DNMBP: variants seen among roughly 807,000 people sequenced by gnomAD.
DNMBP encodes the protein dynamin-binding protein.
A neutral mutation model predicts 150.0 loss-of-function variants in DNMBP; 87 were observed. That is an observed-to-expected ratio of 0.58 (90% CI 0.49 to 0.69). DNMBP has a LOEUF of 0.69. Among genes scored for constraint, DNMBP ranks in the 30% least tolerant of loss-of-function variants. The pLI is 0.00. For synonymous variants in DNMBP, 711 were observed against 750.4 expected, an observed-to-expected ratio of 0.95 and a Z score of 0.86; for missense variants, 1,774 against 1,949.0, an observed-to-expected ratio of 0.91 and a Z score of 1.69.
At chr10:99,954,124 C>T (rs930222140) in intron 4 of DNMBP, among the ~76,000 whole-genome samples, 4 of 151,990 alleles carry the variant, frequency 2.6e-5, no homozygotes, top group Non-Finnish European at 5.9e-5. Flanking sequence ...CCTCTGCCTC[C>T]CAGGTTCAAG....
At chr10:99,982,439 G>A (rs535762894) in intron 1 of DNMBP, among the ~76,000 whole-genome samples, 1 of 151,846 alleles carries the variant, frequency 6.6e-6, no homozygotes, top group Admixed American at 6.6e-5. Context: ...GCGAGACCCT[G>A]TCTCAAAAAA....
chr10:99,913,973 T>A (rs772329915), intron 4 of DNMBP: 3 of 1,459,160 alleles, frequency 2.1e-6, no homozygotes, highest in South Asian at 1.4e-5. Flanking sequence ...CAGAGCTGGC[T>A]GTGTGTGGAG....
chr10:99,996,614 A>G, intron 1 of DNMBP, among the ~76,000 whole-genome samples: 1 of 152,360 alleles, frequency 6.6e-6, no homozygotes, highest in East Asian at 1.9e-4. Context: ...ACCAGCTAGT[A>G]AAATAATAAT....
intron 1 of DNMBP, among the ~76,000 whole-genome samples, chr10:99,976,581 T>C (rs2040730024): frequency 6.6e-6 from 1 of 152,216 alleles, no homozygotes; most frequent in South Asian, 2.1e-4. Context: ...GTAAAGTTCC[T>C]AGATAAATAA....
intron 4 of DNMBP, among the ~76,000 whole-genome samples, chr10:99,916,897 G>A (rs2039970489): frequency 6.6e-6 from 1 of 152,208 alleles, no homozygotes. Flanking sequence ...AGCTACTCAG[G>A]AGGCTGAGGC....
chr10:99,949,062 G>A (rs767406341), intron 4 of DNMBP, among the ~76,000 whole-genome samples: 12 of 152,068 alleles, frequency 7.9e-5, no homozygotes, highest in Non-Finnish European at 1.8e-4. Flanking sequence ...CTCACTGTGG[G>A]TCTGGCACAG....
chr10:99,951,807 G>GTTA (rs1245812898), intron 4 of DNMBP, among the ~76,000 whole-genome samples: 64 of 152,340 alleles, frequency 4.2e-4, no homozygotes, highest in African/African-American at 1.3e-3. Flanking sequence ...TCTCAGATGA[G>GTTA]ACGTCGAACT....
chr10:99,895,697 C>T (rs2039642534), intron 10 of DNMBP, among the ~76,000 whole-genome samples: 1 of 152,172 alleles, frequency 6.6e-6, no homozygotes, highest in African/African-American at 2.4e-5. Flanking sequence ...GCATGCCTGC[C>T]CCCTTCCTAT....
chr10:100,000,829 T>C (rs1234019795), intron 1 of DNMBP, among the ~76,000 whole-genome samples: 1 of 144,736 alleles, frequency 6.9e-6, no homozygotes, highest in Non-Finnish European at 1.5e-5. Flanking sequence ...AGGCAGACCA[T>C]TGTGTTTTAG....
chr10:99,916,951 A>G (rs899926495), intron 4 of DNMBP, among the ~76,000 whole-genome samples: 2 of 152,052 alleles, frequency 1.3e-5, no homozygotes, highest in African/African-American at 4.8e-5. Context: ...GCAGTGAGCG[A>G]GATCACGCCA....
chr10:99,914,090 C>T (rs1044690882), intron 4 of DNMBP: 3 of 1,395,426 alleles, frequency 2.1e-6, no homozygotes, highest in Non-Finnish European at 2.8e-6. Context: ...CCCCAGGCTT[C>T]CCACATTTAC....
At chr10:99,933,059 C>T (rs2040178918) in intron 4 of DNMBP, among the ~76,000 whole-genome samples, 1 of 149,498 alleles carries the variant, frequency 6.7e-6, no homozygotes, top group Admixed American at 6.7e-5. Context: ...GTTTAGGAGG[C>T]CTAGGTGGGA....
rs1324453044 is a variant in DNMBP at position 99,969,226 on chromosome 10, T to C, written c.157A>G (p.Ser53Gly). 6.2e-7 allele frequency: 1 copy of C among 1,614,062 alleles called. No individual in the cohort carries two copies. Among genetic ancestry groups the C allele is most frequent in the Non-Finnish European group, 8.5e-7 (1 of 1,179,946 alleles). Residue 53 changes from serine (S) to glycine (G), a missense_variant, in exon 3 of 17, where the codon AGC (serine) becomes GGC (glycine). Coordinates refer to ENST00000324109, the MANE Select transcript of DNMBP (RefSeq NM_015221.4). ...KKEDVTGQFPSSFVEIVTIPS... is the reference protein window; with the variant it reads ...KKEDVTGQFPGSFVEIVTIPS... The stretch of plus-strand genomic sequence containing the variant: ...ATGGTCACAATTTCCACAAAACTGC[T>C]GGGGAATTGTCCTGAAAATAAAAGC...
Position 99,877,101 on chromosome 10 carries a change from C to CAA in DNMBP, c.*49_*50insTT. On this transcript the variant is annotated 3_prime_UTR_variant, in exon 17 of 17. Coordinates refer to ENST00000324109, the MANE Select transcript of DNMBP (RefSeq NM_015221.4). ...CCTCTCGGTGGGCCGCCAGAACCCT[C>CAA]GGCGGACTGAAAGCAAAGGCAGCAA... The CAA allele has an allele frequency of 7.2e-7, 1 of 1,397,896 alleles. No individual in the cohort carries two copies. Among genetic ancestry groups the CAA allele is most frequent in the African/African-American group, 1.7e-5 (1 of 58,592 alleles). 86.6% of individuals were successfully genotyped at this position (1,397,896 alleles called of 1,614,324 possible). A position where few individuals can be genotyped will look rare whatever the true frequency, so the allele number is the denominator to read the frequency against.
rs557484543 is a variant in DNMBP, at chr10:99,910,517, T to A, written c.2261-1371A>T. On this transcript the variant is annotated intron_variant, in intron 4 of 16. Transcript: ENST00000324109. ...ATAGTGCCATTATTGCACTCCAGAC[T>A]GGGTGACAGAGAAAGACCCTGTCTC... 5.9e-5 allele frequency among the ~76,000 whole-genome samples: 9 copies of A among 152,322 alleles called. No individual in the cohort carries two copies. The East Asian group carries it at 1.5e-3, about 26-fold the overall frequency.
chr10:99,968,881 C>T (rs2040646914), intron 3 of DNMBP, among the ~76,000 whole-genome samples: 1 of 152,092 alleles, frequency 6.6e-6, no homozygotes, highest in Admixed American at 6.6e-5. Context: ...CCCCACTTTC[C>T]TACCTCCCAG....
At chr10:99,966,226 T>C (rs147002472) in intron 3 of DNMBP, among the ~76,000 whole-genome samples, 2 of 152,174 alleles carry the variant, frequency 1.3e-5, no homozygotes, top group African/African-American at 2.4e-5. Context: ...GGTCAGTGTG[T>C]TTACTGGCAG....
chr10:99,909,163 A>G lies in DNMBP; in HGVS notation c.2261-17T>C. 6.2e-7 allele frequency: 1 copy of G among 1,607,146 alleles called. No homozygotes were observed. The highest frequency in any genetic ancestry group is 8.5e-7 in the Non-Finnish European group (1 of 1,176,420). On this transcript the variant is annotated splice_polypyrimidine_tract_variant and intron_variant, in intron 4 of 16. Transcript: ENST00000324109. The stretch of plus-strand genomic sequence containing the variant: ...GCGTCATTTCTAGAAGGGAAAAGAG[A>G]ACTGGTTAGCAGCTCTGGGTGTAAA...
Position 99,885,836 on chromosome 10 carries a change from G to A in DNMBP, c.3649C>T (p.Leu1217Phe), listed in dbSNP as rs2039450029. 2.5e-6 allele frequency: 4 copies of A among 1,613,216 alleles called. No individual in the cohort carries two copies. In the East Asian group the frequency reaches 8.9e-5, roughly 36 times the overall value. The stretch of plus-strand genomic sequence containing the variant: ...TGCTCTTCGTGGAAGATGGCAATAA[G>A]GTTTCCCTCTCTGCCAGCCACTTTG... ...LLKVAGREGN[L>F]IAIFHEEHSR... is the part of the protein sequence containing the mutation. The change falls in exon 14 of 17, where the codon CTT becomes TTT. Residue 1217 changes from leucine to phenylalanine, a missense_variant. By Grantham distance (22) the Leu-to-Phe change is conservative. This residue lies in a region of DNMBP where 1,430 missense variants were observed against 1,492.5 expected (regional missense o/e 0.96). Transcript: ENST00000324109.
Sources: gnomAD v4.1 joint callset for allele counts (sites outside exome capture counted in the v4.1 genomes callset) on GRCh38, gnomAD v4.1.1 for gene constraint, gnomAD v4.1.1 regional missense constraint, MANE v1.5 for transcripts, NCBI Gene and HGNC (gene_info 2026-07-23, HGNC 2026-07-21) for gene names.